ANKRD44: variants seen among roughly 807,000 people sequenced by gnomAD.
ANKRD44 encodes serine/threonine-protein phosphatase 6 regulatory ankyrin repeat subunit B.
A neutral mutation model predicts 116.0 loss-of-function variants in ANKRD44; 35 were observed. The observed-to-expected ratio is 0.30, with a 90% CI of 0.23 to 0.40. ANKRD44 has a LOEUF of 0.40. Among genes scored for constraint, ANKRD44 ranks in the 10% least tolerant of loss-of-function variants. The pLI, the probability that ANKRD44 is intolerant of heterozygous loss-of-function variation, is 1.00. For missense variants in ANKRD44, 1,014 were observed against 1,242.6 expected, an observed-to-expected ratio of 0.82 and a Z score of 2.77; for synonymous variants, 435 against 461.8, an observed-to-expected ratio of 0.94 and a Z score of 0.74.
chr2:196,984,417 C>A (rs80104968), downstream of ANKRD44, among the ~76,000 whole-genome samples: 10 of 152,288 alleles, frequency 6.6e-5, no homozygotes, highest in Non-Finnish European at 1.0e-4. Flanking sequence ...AGCAAATGTA[C>A]CTTCAGGATG....
intron 1 of ANKRD44, among the ~76,000 whole-genome samples, chr2:197,272,054 G>T (rs2082912477): frequency 6.6e-6 from 1 of 152,174 alleles, no homozygotes; most frequent in Non-Finnish European, 1.5e-5. Flanking sequence ...AAAAGAAACT[G>T]CAGAGAGCTG....
At chr2:197,257,033 C>CA (rs529122419) in intron 1 of ANKRD44, among the ~76,000 whole-genome samples, 2,163 of 148,518 alleles carry the variant, frequency 0.015, 16 homozygotes, top group Non-Finnish European at 0.02. Flanking sequence ...AGCTCATCTT[C>CA]AAAAAAAAAA....
intron 1 of ANKRD44, among the ~76,000 whole-genome samples, chr2:197,288,453 C>A (rs115495289): frequency 6.6e-6 from 1 of 152,128 alleles, no homozygotes; most frequent in Non-Finnish European, 1.5e-5. Context: ...ATATAAATAA[C>A]TTCTATATGA....
intron 1 of ANKRD44, among the ~76,000 whole-genome samples, chr2:197,222,669 G>A (rs2081611114): frequency 6.6e-6 from 1 of 152,040 alleles, no homozygotes. Flanking sequence ...GCTTTCAACA[G>A]GTTTCTTTAG....
At chr2:197,073,648 T>C (rs1350571548) in intron 16 of ANKRD44, among the ~76,000 whole-genome samples, 4 of 152,156 alleles carry the variant, frequency 2.6e-5, no homozygotes, top group Non-Finnish European at 5.9e-5. Context: ...TCCCTGAAGC[T>C]TCCCTCCCTT....
At position 196,993,618 on chromosome 2, in the gene ANKRD44, G is replaced by A. The variant is rs1474990886; in HGVS notation, c.2888C>T (p.Ala963Val). The A allele has an allele frequency of 6.4e-7, 1 of 1,551,036 alleles. No homozygotes were observed. The change falls in exon 27 of 28, where the codon GCC (alanine) becomes GTC (valine). Residue 963 changes from alanine to valine, a missense_variant. By Grantham distance (64) the Ala-to-Val change is moderately conservative. Coordinates refer to ENST00000282272, the MANE Select transcript of ANKRD44 (RefSeq NM_001195144.2). ...TACAGCAAGTACACAGGCCCCTTTG[G>A]CCAGCAACTCCTCAACTACCACCTT... ...GLKVVVEELLAKGACVLAVDE... is the reference protein window; with the variant it reads ...GLKVVVEELLVKGACVLAVDE...
At position 197,289,907 on chromosome 2, in the gene ANKRD44, C is replaced by G. The variant is rs75854593; in HGVS notation, c.27+20671G>C. Among the ~76,000 whole-genome samples, 6 of 151,414 alleles carry G rather than the reference C, an allele frequency of 4.0e-5. No individual in the cohort carries two copies. The East Asian group carries it at 7.8e-4, about 20-fold the overall frequency. On this transcript the variant is annotated intron_variant, in intron 1 of 27. Coordinates refer to ENST00000282272, the MANE Select transcript of ANKRD44 (RefSeq NM_001195144.2). ...TTTTTTTGAGACGGAGTCTCTATCACCCAGGCTGAGTGCAGTGGCGTGATC... is the reference window on the plus strand; with the variant it reads ...TTTTTTTGAGACGGAGTCTCTATCAGCCAGGCTGAGTGCAGTGGCGTGATC...
At chr2:197,086,629 T>A (rs1210728808) in intron 13 of ANKRD44, 51 bp downstream of exon 13, 4 of 1,557,256 alleles carry the variant, frequency 2.6e-6, no homozygotes, top group Admixed American at 3.3e-5. Flanking sequence ...CATAGACCAC[T>A]CCCAGTTCCT....
At chr2:197,023,030 C>G (rs1193467330) in intron 17 of ANKRD44, among the ~76,000 whole-genome samples, 1 of 152,206 alleles carries the variant, frequency 6.6e-6, no homozygotes. Flanking sequence ...TCTCCAGCTA[C>G]TCAAACAGTG....
chr2:197,027,634 A>C (rs2076622328), intron 16 of ANKRD44, among the ~76,000 whole-genome samples: 1 of 151,730 alleles, frequency 6.6e-6, no homozygotes, highest in Admixed American at 6.6e-5. Flanking sequence ...GAGAATGAGC[A>C]GTCATGTCAA....
chr2:197,128,043 C>T (rs918252381), intron 4 of ANKRD44, among the ~76,000 whole-genome samples: 23 of 152,152 alleles, frequency 1.5e-4, no homozygotes, highest in African/African-American at 5.6e-4. Flanking sequence ...GTATAGGTAC[C>T]ACATTTTCTT....
intron 1 of ANKRD44, among the ~76,000 whole-genome samples, chr2:197,242,616 A>C (rs559212286): frequency 6.6e-6 from 1 of 152,346 alleles, no homozygotes; most frequent in Admixed American, 6.5e-5. Flanking sequence ...TTCTAACCTT[A>C]CCAGGCTGTT....
At chr2:197,033,993 T>A (rs1249523323) in intron 16 of ANKRD44, among the ~76,000 whole-genome samples, 1 of 146,330 alleles carries the variant, frequency 6.8e-6, no homozygotes, top group Admixed American at 7.0e-5. Context: ...ATGCAGATAT[T>A]CAGCATGGCT....
chr2:197,183,071 A>C (rs1203478180), intron 2 of ANKRD44, among the ~76,000 whole-genome samples: 2 of 152,212 alleles, frequency 1.3e-5, no homozygotes, highest in East Asian at 3.8e-4. Flanking sequence ...AATAAATCTC[A>C]ATGAGTCAAG....
At chr2:197,303,884 C>T (rs1469423151) in intron 1 of ANKRD44, among the ~76,000 whole-genome samples, 1 of 152,210 alleles carries the variant, frequency 6.6e-6, no homozygotes, top group East Asian at 1.9e-4. Flanking sequence ...ATTTCAACCT[C>T]TTAGGCTACC....
intron 1 of ANKRD44, among the ~76,000 whole-genome samples, chr2:197,217,373 TC>T (rs2081473593): frequency 6.6e-6 from 1 of 152,162 alleles, no homozygotes; most frequent in Non-Finnish European, 1.5e-5. Context: ...GTTGGATAGC[TC>T]CCAAAATGGA....
chr2:197,125,519 C>T (rs1326228354), intron 5 of ANKRD44, 51 bp from the exon 6 acceptor site: 9 of 1,481,882 alleles, frequency 6.1e-6, no homozygotes, highest in Non-Finnish European at 7.5e-6. Flanking sequence ...AATGGTGAGG[C>T]CTCCTCACTG....
chr2:197,227,914 A>G (rs2081758570), intron 1 of ANKRD44, among the ~76,000 whole-genome samples: 1 of 152,288 alleles, frequency 6.6e-6, no homozygotes, highest in Admixed American at 6.5e-5. Flanking sequence ...TAAGCTGCAC[A>G]TTAAGAAAGA....
intron 16 of ANKRD44, among the ~76,000 whole-genome samples, chr2:197,057,294 T>C (rs1322784327): frequency 6.6e-6 from 1 of 152,230 alleles, no homozygotes; most frequent in Admixed American, 6.6e-5. Context: ...ACCTTAATTT[T>C]CTAATACTGA....
Sources: gnomAD v4.1 joint callset for allele counts (sites outside exome capture counted in the v4.1 genomes callset) on GRCh38, gnomAD v4.1.1 for gene constraint, MANE v1.5 for transcripts, NCBI Gene and HGNC (gene_info 2026-07-23, HGNC 2026-07-21) for gene names.